Variants in IDI1 observed in about 807,000 individuals in gnomAD.
IDI1 encodes the protein isopentenyl-diphosphate Delta-isomerase 1.
Under a neutral mutation model 32.9 loss-of-function variants are expected in IDI1, and 23 were observed. The ratio of observed to expected loss-of-function variants is 0.70; its 90% CI spans 0.50 to 0.99. The LOEUF is 0.99. Among genes scored for constraint, IDI1 ranks in the 50% least tolerant of loss-of-function variants. The probability of loss-of-function intolerance (pLI) is 0.00; values close to 1 mark genes in which losing one functional copy is unlikely to be tolerated. For missense variants in IDI1, 326 were observed against 351.9 expected (o/e 0.93, Z 0.59); for synonymous variants, 133 against 128.2 (o/e 1.04, Z -0.25).
rs908702927 is a variant in IDI1, at chr10:1,049,099, G to A, written c.-96C>T. Reference sequence around the variant, plus strand: ...TCCCTGGCCTGTGACAACGGCAGACGCGCGAAGCACCGGGAACCTGAGCCG... The same window carrying A: ...TCCCTGGCCTGTGACAACGGCAGACACGCGAAGCACCGGGAACCTGAGCCG... On this transcript the variant is annotated 5_prime_UTR_variant, in exon 1 of 5. Coordinates refer to ENST00000381344, the MANE Select transcript of IDI1 (RefSeq NM_004508.4). 2.8e-6 allele frequency: 4 copies of A among 1,406,568 alleles called. No individual in the cohort carries two copies. Among genetic ancestry groups the A allele is most frequent in the Admixed American group, 3.2e-5 (1 of 31,606 alleles). The allele number at this position is 1,406,568 out of a possible 1,614,324, so 87.1% of individuals were successfully genotyped here.
chr10:1,054,097 A>G (rs899012437), upstream of IDI1, among the ~76,000 whole-genome samples: 2 of 152,240 alleles, frequency 1.3e-5, no homozygotes, highest in Non-Finnish European at 2.9e-5. Flanking sequence ...ACAGATCACT[A>G]TAACTGATTT....
chr10:1,048,744 G>C (rs1173173643), intron 1 of IDI1, 120 bp downstream of exon 1: 1 of 1,478,752 alleles, frequency 6.8e-7, no homozygotes, highest in Non-Finnish European at 8.9e-7. Context: ...CAGCTGTCCA[G>C]GCCTCCGCGC....
At chr10:1,042,151 A>G (rs989560952) in intron 4 of IDI1, among the ~76,000 whole-genome samples, 1 of 152,170 alleles carries the variant, frequency 6.6e-6, no homozygotes, top group African/African-American at 2.4e-5. Flanking sequence ...TTTGGAAAAT[A>G]TAGATAAGAA....
At chr10:1,053,164 GTTAAT>G (rs1833057915), upstream of IDI1, among the ~76,000 whole-genome samples, 1 of 152,188 alleles carries the variant, frequency 6.6e-6, no homozygotes, top group Admixed American at 6.5e-5. Context: ...ACCACACCCA[GTTAAT>G]TTTTGTATTT....
At chr10:1,051,539 G>A (rs761840240), upstream of IDI1, among the ~76,000 whole-genome samples, 7 of 152,172 alleles carry the variant, frequency 4.6e-5, no homozygotes, top group Non-Finnish European at 8.8e-5. Flanking sequence ...CAACTCAAAC[G>A]TTCCCACAAG....
the IDI1 span, among the ~76,000 whole-genome samples, chr10:1,054,240 T>A: frequency 6.6e-6 from 1 of 152,222 alleles, no homozygotes; most frequent in Non-Finnish European, 1.5e-5. Context: ...AAGAAACATA[T>A]GATACCTGTG....
In IDI1 at chr10:1,039,957, T is replaced by A. The variant is rs1451847661; in HGVS notation, c.*1230A>T. 1 of 152,362 alleles carries A rather than the reference T, an allele frequency of 6.6e-6. No homozygotes were observed. Among genetic ancestry groups the A allele is most frequent in the East Asian group, 1.9e-4 (1 of 5,192 alleles). The allele number at this position is 152,362 out of a possible 1,614,324, so 9.4% of individuals were successfully genotyped here. On this transcript the variant is annotated 3_prime_UTR_variant, in exon 5 of 5. Transcript: ENST00000381344. ...TCAATAAAATACTTGCTAAACAGTC[T>A]TGTCTGAAATTATAAATTGCCCAAA...
At position 1,041,151 on chromosome 10, in the gene IDI1, G is replaced by A. The variant is rs1240360395; in HGVS notation, c.*36C>T. 1 of 1,170,524 alleles carries A rather than the reference G, an allele frequency of 8.5e-7. No individual in the cohort carries two copies. Among genetic ancestry groups the A allele is most frequent in the Non-Finnish European group, 1.2e-6 (1 of 817,462 alleles). 72.5% of individuals were successfully genotyped at this position (1,170,524 alleles called of 1,614,324 possible). A position where few individuals can be genotyped will look rare whatever the true frequency, so the allele number is the denominator to read the frequency against. ...GAAAAAGTCATTCTAAGTTTGTTAA[G>A]CAGATAAATTTTTCTGTAATCATTT... On this transcript the variant is annotated 3_prime_UTR_variant, in exon 5 of 5. Coordinates refer to ENST00000381344, the MANE Select transcript of IDI1 (RefSeq NM_004508.4).
intron 1 of IDI1, among the ~76,000 whole-genome samples, chr10:1,046,497 CT>C: frequency 7.6e-6 from 1 of 130,816 alleles, no homozygotes; most frequent in East Asian, 2.4e-4. Flanking sequence ...GCTCCACTGT[CT>C]GTCTACACCA....
At chr10:1,049,480 C>G (rs959578937), upstream of IDI1, 509 of 160,950 alleles carry the variant, frequency 3.2e-3, 14 homozygotes, top group Non-Finnish European at 5.4e-3. Flanking sequence ...CCTCCCCCCC[C>G]CCGAGTTCCG....
At chr10:1,051,748 T>C (rs4463782), upstream of IDI1, among the ~76,000 whole-genome samples, 24,632 of 152,278 alleles carry the variant, frequency 0.16, 2,078 homozygotes, top group African/African-American at 0.18. Flanking sequence ...GCCTCAATGT[T>C]GATGGCTGTT....
chr10:1,055,593 T>C, the IDI1 span, among the ~76,000 whole-genome samples: 1 of 152,216 alleles, frequency 6.6e-6, no homozygotes, highest in African/African-American at 2.4e-5. Flanking sequence ...TCACAACCTC[T>C]AAAAGTTTAA....
In IDI1 at chr10:1,043,374, A is replaced by G; in HGVS notation, c.333T>C (p.Phe111=). 1 of 1,607,624 alleles carries G rather than the reference A, an allele frequency of 6.2e-7. No individual in the cohort carries two copies. Among genetic ancestry groups the G allele is most frequent in the Non-Finnish European group, 8.5e-7 (1 of 1,173,980 alleles). Residue 111 remains phenylalanine, a synonymous_variant, in exon 3 of 5, where the codon TTT becomes TTC. Coordinates refer to ENST00000381344, the MANE Select transcript of IDI1 (RefSeq NM_004508.4). ...TTTCGGTGTTGAATAAGAAGACACT[A>G]AAAGCTCGATGCAATAATCCTGAAA... ...NIEKGLLHRA[F]SVFLFNTENK...
At chr10:1,049,749 G>A (rs1357146701), upstream of IDI1, 1 of 152,246 alleles carries the variant, frequency 6.6e-6, no homozygotes, top group East Asian at 1.9e-4. Flanking sequence ...CCGCCGCCCG[G>A]GTTCAGGCAA....
chr10:1,049,929 G>C (rs1271841970), upstream of IDI1, among the ~76,000 whole-genome samples: 1 of 152,160 alleles, frequency 6.6e-6, no homozygotes, highest in East Asian at 1.9e-4. Flanking sequence ...CTGAGATTCC[G>C]GGTGTGAGCC....
In IDI1 at chr10:1,049,118, T is replaced by C. The variant is rs776301610; in HGVS notation, c.-115A>G. ...GCAGACGCGCGAAGCACCGGGAACC[T>C]GAGCCGTGACCGCGGGCTCTGGCGC... On this transcript the variant is annotated 5_prime_UTR_variant, in exon 1 of 5. Coordinates refer to ENST00000381344, the MANE Select transcript of IDI1 (RefSeq NM_004508.4). The C allele has an allele frequency of 7.2e-7, 1 of 1,396,030 alleles. No homozygotes were observed. The highest frequency in any genetic ancestry group is 9.2e-7 in the Non-Finnish European group (1 of 1,081,672). 86.5% of individuals were successfully genotyped at this position (1,396,030 alleles called of 1,614,324 possible).
At chr10:1,050,191 TTAAAA>T (rs1212275461), upstream of IDI1, among the ~76,000 whole-genome samples, 1 of 152,210 alleles carries the variant, frequency 6.6e-6, no homozygotes, top group East Asian at 1.9e-4. Context: ...ATTAAACATA[TTAAAA>T]TATTCACTTA....
the IDI1 span, chr10:1,056,671 C>A: frequency 6.6e-6 from 1 of 152,244 alleles, no homozygotes; most frequent in Non-Finnish European, 1.5e-5. Flanking sequence ...GTCTTCAGCG[C>A]GCCCAGACCC....
At position 1,041,166 on chromosome 10, in the gene IDI1, T is replaced by C. The variant is rs920500729; in HGVS notation, c.*21A>G. On this transcript the variant is annotated 3_prime_UTR_variant, in exon 5 of 5. Coordinates refer to ENST00000381344, the MANE Select transcript of IDI1 (RefSeq NM_004508.4). ...AGTTTGTTAAGCAGATAAATTTTTCTGTAATCATTTACCTACATATTCACA... is the reference window on the plus strand; with the variant it reads ...AGTTTGTTAAGCAGATAAATTTTTCCGTAATCATTTACCTACATATTCACA... The C allele has an allele frequency of 7.2e-7, 1 of 1,395,370 alleles. No homozygotes were observed. The highest frequency in any genetic ancestry group is 9.9e-7 in the Non-Finnish European group (1 of 1,011,308). 86.4% of individuals were successfully genotyped at this position (1,395,370 alleles called of 1,614,324 possible).
Sources: allele counts gnomAD v4.1 joint callset (sites outside exome capture counted in the v4.1 genomes callset), GRCh38; gene constraint gnomAD v4.1.1; transcripts MANE v1.5; gene names NCBI Gene and HGNC (gene_info 2026-07-23, HGNC 2026-07-21).